Variants in CAMK2D observed in about 807,000 individuals in gnomAD.
CAMK2D encodes calcium/calmodulin-dependent protein kinase type II subunit delta.
CAMK2D carries 37 observed loss-of-function variants against 84.0 expected under a neutral mutation model. That is an observed-to-expected ratio of 0.44 (90% confidence interval 0.34 to 0.58). The LOEUF is 0.58. Among genes scored for constraint, CAMK2D ranks in the 20% least tolerant of loss-of-function variants. CAMK2D has a pLI of 0.02. For synonymous variants in CAMK2D, 202 were observed against 212.5 expected (o/e 0.95, Z 0.43); for missense variants, 448 against 652.5 (o/e 0.69, Z 3.41).
chr4:113,760,240 G>A (rs1385381795), intron 1 of CAMK2D, among the ~76,000 whole-genome samples: 2 of 152,138 alleles, frequency 1.3e-5, no homozygotes, highest in East Asian at 1.9e-4. Context: ...AGTTCTGCCA[G>A]TCGGGTGAAG....
chr4:113,530,867 C>T (rs538500756), intron 8 of CAMK2D, among the ~76,000 whole-genome samples: 1 of 152,056 alleles, frequency 6.6e-6, no homozygotes, highest in Non-Finnish European at 1.5e-5. Context: ...GGTGGATCAC[C>T]TGAGGCAGGA....
intron 2 of CAMK2D, among the ~76,000 whole-genome samples, chr4:113,745,888 A>G (rs1272637770): frequency 6.6e-6 from 1 of 152,172 alleles, no homozygotes; most frequent in Non-Finnish European, 1.5e-5. Context: ...CCAGGAAGGA[A>G]TATGATGTAC....
At chr4:113,681,313 C>T (rs2099345180) in intron 2 of CAMK2D, among the ~76,000 whole-genome samples, 1 of 151,996 alleles carries the variant, frequency 6.6e-6, no homozygotes, top group South Asian at 2.1e-4. Flanking sequence ...TGGTTACCCC[C>T]ATGATGTCAT....
rs375554530 is a variant in CAMK2D at position 113,679,172 on chromosome 4, T to C, written c.161-17400A>G. Among the ~76,000 whole-genome samples the C allele has an allele frequency of 1.2e-4, 18 of 151,954 alleles. No homozygotes were observed. In the East Asian group the frequency reaches 2.9e-3, roughly 24 times the overall value. On this transcript the variant is annotated intron_variant, in intron 2 of 20. Coordinates refer to ENST00000511664, the MANE Select transcript of CAMK2D (RefSeq NM_001321571.2). ...TAAGAGCTGCAAAATTTAAGATGGA[T>C]GAATGGAAAGGTGAAAAAAAAATAA...
rs560167029 is a variant in CAMK2D at position 113,623,889 on chromosome 4, C to G, written c.221-14683G>C. Among the ~76,000 whole-genome samples the G allele has an allele frequency of 7.9e-5, 12 of 152,226 alleles. No homozygotes were observed. In the East Asian group the frequency reaches 2.1e-3, roughly 27 times the overall value. ...TCTTCAGCCCTATCACTCTCACTCA[C>G]CCTCAAGGAGCTTCTCATTGTGTAT... On this transcript the variant is annotated intron_variant, in intron 3 of 20. Transcript: ENST00000511664.
At chr4:113,690,382 G>A (rs1468065537) in intron 2 of CAMK2D, among the ~76,000 whole-genome samples, 2 of 151,948 alleles carry the variant, frequency 1.3e-5, no homozygotes, top group Non-Finnish European at 2.9e-5. Flanking sequence ...TATGGAAGGA[G>A]GTCCCAGGAT....
At chr4:113,683,901 G>C (rs972586599) in intron 2 of CAMK2D, among the ~76,000 whole-genome samples, 2 of 152,330 alleles carry the variant, frequency 1.3e-5, no homozygotes, top group East Asian at 3.9e-4. Flanking sequence ...ATAGATTTTA[G>C]AGTTAGACTG....
At chr4:113,699,128 A>G (rs1224877430) in intron 2 of CAMK2D, among the ~76,000 whole-genome samples, 2 of 152,100 alleles carry the variant, frequency 1.3e-5, no homozygotes, top group Admixed American at 1.3e-4. Context: ...AAAGGCAGCT[A>G]AAAGGGATTG....
intron 2 of CAMK2D, among the ~76,000 whole-genome samples, chr4:113,688,111 T>C (rs1359410722): frequency 6.6e-6 from 1 of 152,170 alleles, no homozygotes; most frequent in Non-Finnish European, 1.5e-5. Context: ...TCCAGAAAAT[T>C]CTGCCCTCCA....
chr4:113,640,275 A>G (rs2099127135), intron 3 of CAMK2D, among the ~76,000 whole-genome samples: 1 of 152,152 alleles, frequency 6.6e-6, no homozygotes, highest in Admixed American at 6.6e-5. Context: ...AACCTCTAAA[A>G]TAGATTTGGG....
chr4:113,638,440 G>A (rs911624711), intron 3 of CAMK2D, among the ~76,000 whole-genome samples: 8 of 152,136 alleles, frequency 5.3e-5, no homozygotes, highest in East Asian at 1.9e-4. Context: ...TTTCTGAGGT[G>A]TGATTCCCAT....
In CAMK2D at chr4:113,598,064, C is replaced by G. The variant is rs560003864; in HGVS notation, c.275+11088G>C. On this transcript the variant is annotated intron_variant, in intron 4 of 20. Transcript: ENST00000511664. ...AGTTCATATGAAAAGAAAAAAGACC[C>G]AGAATAGCCAAGAGAATATTGATGG... 2.6e-5 allele frequency among the ~76,000 whole-genome samples: 4 copies of G among 152,150 alleles called. No individual in the cohort carries two copies. The South Asian group carries it at 8.3e-4, about 32-fold the overall frequency.
At chr4:113,598,771 G>A (rs934145431) in intron 4 of CAMK2D, among the ~76,000 whole-genome samples, 1 of 152,086 alleles carries the variant, frequency 6.6e-6, no homozygotes, top group African/African-American at 2.4e-5. Flanking sequence ...TGCAACCTCT[G>A]CCTCCTAGGT....
Position 113,761,259 on chromosome 4 carries a change from C to G in CAMK2D, c.-191G>C. ...GAGGGGAGATGACCAGAAAGGGTGG[C>G]GTGGGGTCTCCTCCCCACAGTCCGC... is the stretch of plus-strand genomic sequence containing the variant. On this transcript the variant is annotated 5_prime_UTR_variant, in exon 1 of 21. Coordinates refer to ENST00000511664, the MANE Select transcript of CAMK2D (RefSeq NM_001321571.2). 6.9e-7 allele frequency: 1 copy of G among 1,456,080 alleles called. No homozygotes were observed. The highest frequency in any genetic ancestry group is 9.0e-7 in the Non-Finnish European group (1 of 1,106,442). The allele number at this position is 1,456,080 out of a possible 1,614,324, so 90.2% of individuals were successfully genotyped here.
intron 13 of CAMK2D, among the ~76,000 whole-genome samples, chr4:113,508,890 AAGAG>A (rs2098168755): frequency 6.6e-6 from 1 of 152,148 alleles, no homozygotes. Flanking sequence ...CTGTCCTTGG[AAGAG>A]AAAGAAAAGG....
chr4:113,622,965 C>T (rs1361788241), intron 3 of CAMK2D, among the ~76,000 whole-genome samples: 3 of 152,120 alleles, frequency 2.0e-5, no homozygotes, highest in Non-Finnish European at 4.4e-5. Flanking sequence ...TGTGGGCCAA[C>T]TTGGGATAGG....
chr4:113,500,395 G>A (rs1056028359), intron 16 of CAMK2D, 68 bp downstream of exon 16: 2 of 893,414 alleles, frequency 2.2e-6, no homozygotes, highest in African/African-American at 1.7e-5. Flanking sequence ...GTTATTTGAA[G>A]CACTTTTTTT....
At chr4:113,739,014 T>C (rs1469659180) in intron 2 of CAMK2D, among the ~76,000 whole-genome samples, 2 of 152,202 alleles carry the variant, frequency 1.3e-5, no homozygotes, top group Non-Finnish European at 2.9e-5. Flanking sequence ...ACTTTCTTTG[T>C]TCTTTTCCAT....
intron 14 of CAMK2D, among the ~76,000 whole-genome samples, chr4:113,504,432 C>G (rs1036992956): frequency 5.3e-5 from 8 of 152,116 alleles, no homozygotes; most frequent in Non-Finnish European, 1.2e-4. Flanking sequence ...ACATAATAAA[C>G]AGAAAGCTCT....
Sources: gnomAD v4.1 joint callset for allele counts (sites outside exome capture counted in the v4.1 genomes callset) on GRCh38, gnomAD v4.1.1 for gene constraint, MANE v1.5 for transcripts, NCBI Gene and HGNC (gene_info 2026-07-23, HGNC 2026-07-21) for gene names.